Variants in PRKN observed in about 807,000 individuals in gnomAD.
The protein encoded by PRKN is parkin RBR E3 ubiquitin protein ligase.
In PRKN, 56 loss-of-function variants were observed where a neutral mutation model predicts 59.5. The ratio of observed to expected loss-of-function variants is 0.94; its 90% CI spans 0.76 to 1.18. The LOEUF is 1.18. Among genes scored for constraint, PRKN ranks in the 50% most tolerant of loss-of-function variants. The pLI, the probability that PRKN is intolerant of heterozygous loss-of-function variation, is 0.00. For synonymous variants in PRKN, 250 were observed against 222.1 expected (o/e 1.13, Z -1.12); for missense variants, 657 against 596.4 (o/e 1.10, Z -1.06).
rs970943591 is a variant in PRKN, at chr6:161,363,555, G to A, written c.1168-3350C>T. ...AGGAGATTAAGAGATGGGGGGATAA[G>A]GTGAGAAGGTCCAGTGTTTTTCTAA... On this transcript the variant is annotated intron_variant, in intron 10 of 11. Transcript: ENST00000366898. This position sits in a 1 kb window ranked among gnomAD's most constrained non-coding sequence, Gnocchi z 4.1. 2.0e-5 allele frequency among the ~76,000 whole-genome samples: 3 copies of A among 152,142 alleles called. No individual in the cohort carries two copies. The highest frequency in any genetic ancestry group is 2.9e-5 in the Non-Finnish European group (2 of 68,022).
At chr6:162,360,209 GTTCT>G (rs774609253) in intron 2 of PRKN, among the ~76,000 whole-genome samples, 23 of 151,994 alleles carry the variant, frequency 1.5e-4, no homozygotes, top group Admixed American at 7.2e-4. Flanking sequence ...AACAGAAAGT[GTTCT>G]TTCTAATAGT....
chr6:162,165,283 C>T (rs1311649010), intron 4 of PRKN, among the ~76,000 whole-genome samples: 1 of 148,826 alleles, frequency 6.7e-6, no homozygotes, highest in Non-Finnish European at 1.5e-5. Context: ...GTTTCTTTGA[C>T]AGGTTAGAGA....
chr6:162,509,571 C>G (rs1164493920), intron 1 of PRKN, among the ~76,000 whole-genome samples: 2 of 152,090 alleles, frequency 1.3e-5, no homozygotes, highest in African/African-American at 4.8e-5. Flanking sequence ...ATATACACAT[C>G]CATGCATCTC....
At chr6:162,681,787 T>C (rs991034573) in intron 1 of PRKN, among the ~76,000 whole-genome samples, 1 of 152,102 alleles carries the variant, frequency 6.6e-6, no homozygotes, top group Non-Finnish European at 1.5e-5. Context: ...ATGGGAAACC[T>C]CTAGGGGGTA....
chr6:162,296,281 G>A (rs1222459174), intron 2 of PRKN, among the ~76,000 whole-genome samples: 1 of 133,538 alleles, frequency 7.5e-6, no homozygotes, highest in African/African-American at 2.9e-5. Context: ...CCCTATCTGC[G>A]CTGCCTCCCA....
At chr6:161,939,822 T>G (rs1779491569) in intron 6 of PRKN, among the ~76,000 whole-genome samples, 1 of 152,178 alleles carries the variant, frequency 6.6e-6, no homozygotes, top group Admixed American at 6.5e-5. Flanking sequence ...TAGATAAAAT[T>G]ACTAAGTAAT....
rs1786266791 is a variant in PRKN, at chr6:161,386,725, C to T, written c.1167+69G>A. On this transcript the variant is annotated intron_variant, in intron 10 of 11. Transcript: ENST00000366898. The surrounding 1 kb of genome is among the most constrained non-coding windows in gnomAD (Gnocchi z 4.3). ...TTAGAATGGAACTCTCCATGACCTC[C>T]AGGAAACGGCTCCAGTCCCCCACTG... is the stretch of plus-strand genomic sequence containing the variant. 1 of 1,221,232 alleles carries T rather than the reference C, an allele frequency of 8.2e-7. No individual in the cohort carries two copies. 75.6% of individuals were successfully genotyped at this position (1,221,232 alleles called of 1,614,324 possible). A position where few individuals can be genotyped will look rare whatever the true frequency, so the allele number is the denominator to read the frequency against.
chr6:162,322,213 T>C (rs1185569169), intron 2 of PRKN, among the ~76,000 whole-genome samples: 1 of 151,080 alleles, frequency 6.6e-6, no homozygotes, highest in Non-Finnish European at 1.5e-5. Flanking sequence ...TAGATCAACA[T>C]ATAAAATACG....
intron 1 of PRKN, among the ~76,000 whole-genome samples, chr6:162,639,027 A>G (rs1410607809): frequency 9.2e-5 from 14 of 152,024 alleles, no homozygotes; most frequent in Admixed American, 9.2e-4. Flanking sequence ...TGCTTCTGTG[A>G]CTTTGGCCAC....
intron 4 of PRKN, among the ~76,000 whole-genome samples, chr6:162,069,954 G>A (rs748547963): frequency 1.3e-5 from 2 of 152,146 alleles, no homozygotes; most frequent in Non-Finnish European, 2.9e-5. Context: ...GTCTCCAAGA[G>A]ACTATGATCA....
chr6:162,271,021 T>A (rs909956126), intron 2 of PRKN, among the ~76,000 whole-genome samples: 1 of 147,004 alleles, frequency 6.8e-6, no homozygotes, highest in Non-Finnish European at 1.5e-5. Flanking sequence ...TTCTAGTTTT[T>A]TTTTTTTTTT....
intron 1 of PRKN, among the ~76,000 whole-genome samples, chr6:162,620,878 T>C (rs932461681): frequency 6.6e-6 from 1 of 152,206 alleles, no homozygotes; most frequent in African/African-American, 2.4e-5. Context: ...AATCTTTGTA[T>C]TTCCGGTGTG....
At chr6:161,599,100 C>A (rs532124543) in intron 7 of PRKN, among the ~76,000 whole-genome samples, 10 of 152,292 alleles carry the variant, frequency 6.6e-5, no homozygotes, top group Middle Eastern at 3.4e-3. Context: ...GGGGTGGGAG[C>A]AGATCCTTCC....
intron 6 of PRKN, among the ~76,000 whole-genome samples, chr6:161,860,738 C>T (rs73603125): frequency 0.021 from 3,198 of 152,184 alleles, 98 homozygotes; most frequent in African/African-American, 0.071. Flanking sequence ...TGCAGAAGCT[C>T]TTTAGTTCAA....
intron 9 of PRKN, among the ~76,000 whole-genome samples, chr6:161,420,280 T>C (rs1356603623): frequency 6.6e-6 from 1 of 150,530 alleles, no homozygotes; most frequent in African/African-American, 2.4e-5. Flanking sequence ...TAAAAAACCC[T>C]GATTTTTGAA....
At chr6:161,708,978 A>T (rs1786628919) in intron 7 of PRKN, among the ~76,000 whole-genome samples, 1 of 152,260 alleles carries the variant, frequency 6.6e-6, no homozygotes, top group Non-Finnish European at 1.5e-5. Flanking sequence ...CATGACAGCC[A>T]CTAGCCACCT....
intron 2 of PRKN, among the ~76,000 whole-genome samples, chr6:162,297,042 G>A (rs115009156): frequency 0.01 from 1,524 of 152,248 alleles, 21 homozygotes; most frequent in African/African-American, 0.033. Context: ...TGCTGGAATG[G>A]TTAACTAGAA....
At chr6:162,717,707 T>C (rs980632459) in intron 1 of PRKN, among the ~76,000 whole-genome samples, 1 of 152,190 alleles carries the variant, frequency 6.6e-6, no homozygotes, top group Non-Finnish European at 1.5e-5. Context: ...TACAGTAATC[T>C]GGCCATGCCC....
chr6:161,697,167 T>C (rs1479502795), intron 7 of PRKN, among the ~76,000 whole-genome samples: 1 of 152,208 alleles, frequency 6.6e-6, no homozygotes, highest in Non-Finnish European at 1.5e-5. Flanking sequence ...GATCATAATA[T>C]AGTATCTGAA....
Sources: gnomAD v4.1 joint callset for allele counts (sites outside exome capture counted in the v4.1 genomes callset) on GRCh38, gnomAD v4.1.1 for gene constraint, Gnocchi (gnomAD v3.1) non-coding constraint, MANE v1.5 for transcripts, NCBI Gene and HGNC (gene_info 2026-07-23, HGNC 2026-07-21) for gene names.